EEF1E1: variants seen among roughly 807,000 people sequenced by gnomAD.
EEF1E1 encodes eukaryotic translation elongation factor 1 epsilon 1, also known as eukaryotic translation elongation factor 1 epsilon-1.
EEF1E1 carries 19 observed loss-of-function variants against 19.9 expected under a neutral mutation model. The ratio of observed to expected loss-of-function variants is 0.95; its 90% CI spans 0.66 to 1.40. EEF1E1 has a LOEUF of 1.40. Among genes scored for constraint, EEF1E1 ranks in the 40% most tolerant of loss-of-function variants. The probability of loss-of-function intolerance (pLI) is 0.00; values close to 1 mark genes in which losing one functional copy is unlikely to be tolerated. For synonymous variants in EEF1E1, 81 were observed against 80.0 expected (o/e 1.01, Z -0.07); for missense variants, 198 against 202.2 (o/e 0.98, Z 0.13).
intron 3 of EEF1E1, among the ~76,000 whole-genome samples, chr6:8,087,693 A>G (rs545682342): frequency 1.6e-4 from 25 of 152,284 alleles, no homozygotes; most frequent in Admixed American, 9.1e-4. Context: ...CGGTCATGAG[A>G]AAGACTGCTC....
chr6:8,095,353 AC>A (rs1758140684), intron 2 of EEF1E1: 1 of 426,002 alleles, frequency 2.3e-6, no homozygotes, highest in Non-Finnish European at 4.7e-6. Context: ...ACACAAAAAA[AC>A]GAGCCATGCG....
rs765141019 is a variant in EEF1E1 at position 8,102,530 on chromosome 6, C to T, written c.-9G>A. On this transcript the variant is annotated 5_prime_UTR_variant, in exon 1 of 4. Coordinates refer to ENST00000379715, the MANE Select transcript of EEF1E1 (RefSeq NM_004280.5). ...TCTGCGGCCGCCGCCATCTTCCGGCCGTAGCTCCTGGCAGACGCGAGACCT... is the reference window on the plus strand; with the variant it reads ...TCTGCGGCCGCCGCCATCTTCCGGCTGTAGCTCCTGGCAGACGCGAGACCT... The T allele has an allele frequency of 2.5e-6, 4 of 1,609,446 alleles. No individual in the cohort carries two copies. The highest frequency in any genetic ancestry group is 3.4e-6 in the Non-Finnish European group (4 of 1,179,930).
chr6:8,101,638 G>A, intron 1 of EEF1E1: 7 of 751,422 alleles, frequency 9.3e-6, no homozygotes, highest in East Asian at 8.6e-5. Context: ...AATCTCAAAG[G>A]AGCAAAAAAA....
chr6:8,078,127 T>A (rs547292856), downstream of EEF1E1, among the ~76,000 whole-genome samples: 47 of 152,346 alleles, frequency 3.1e-4, no homozygotes, highest in African/African-American at 1.1e-3. Context: ...GTTGGCTGTT[T>A]GGTGCAAGAG....
chr6:8,090,252 G>C lies in EEF1E1; in HGVS notation c.318C>G (p.Val106=). The C allele has an allele frequency of 6.7e-7, 1 of 1,489,902 alleles. No individual in the cohort carries two copies. The highest frequency in any genetic ancestry group is 8.9e-7 in the Non-Finnish European group (1 of 1,128,476). 92.3% of individuals were successfully genotyped at this position (1,489,902 alleles called of 1,614,324 possible). A position where few individuals can be genotyped will look rare whatever the true frequency, so the allele number is the denominator to read the frequency against. ...ATGTAAAGTTATACCCTGTAAGGTAGACTTTATCTTCAAGATATGAATTAA... is the reference window on the plus strand; with the variant it reads ...ATGTAAAGTTATACCCTGTAAGGTACACTTTATCTTCAAGATATGAATTAA... The part of the protein sequence containing the change: ...KDLNSYLEDK[V]YLTGYNFTLA... Residue 106 remains valine, a synonymous_variant, in exon 3 of 4, where the codon GTC becomes GTG. Transcript: ENST00000379715.
intron 2 of EEF1E1, chr6:8,095,256 T>C: frequency 3.9e-6 from 1 of 253,602 alleles, no homozygotes; most frequent in Non-Finnish European, 8.2e-6. Flanking sequence ...ATCCCAGCAC[T>C]TTGGGAGGCT....
chr6:8,101,699 T>A (rs1028484172), intron 1 of EEF1E1: 17 of 1,248,846 alleles, frequency 1.4e-5, no homozygotes, highest in Non-Finnish European at 1.7e-5. Context: ...TCTAATACAT[T>A]CCTTCTACGA....
Position 8,097,307 on chromosome 6 carries a change from T to C in EEF1E1, c.248A>G (p.Asp83Gly), listed in dbSNP as rs767445510. The part of the protein sequence containing the change: ...QWLEYRVTQV[D>G]GHSSKNDIHT... ...GATGTCATTTTTACTGGAGTGCCCA[T>C]CTACTTGAGTGACCCTGTATTCTAA... Residue 83 changes from aspartate (D) to glycine (G), a missense_variant, in exon 2 of 4, where the codon GAT becomes GGT. Asp to Gly is a moderately conservative substitution (Grantham distance 94). Transcript: ENST00000379715. The C allele has an allele frequency of 2.5e-6, 4 of 1,614,074 alleles. No homozygotes were observed. The South Asian group carries it at 3.3e-5, about 13-fold the overall frequency.
At chr6:8,099,128 T>G (rs1043160730) in intron 1 of EEF1E1, among the ~76,000 whole-genome samples, 15 of 152,236 alleles carry the variant, frequency 9.9e-5, no homozygotes, top group Non-Finnish European at 4.4e-5. Context: ...CATACTATTT[T>G]CACATTCATT....
chr6:8,095,322 G>A (rs562978171), intron 2 of EEF1E1: 15 of 377,494 alleles, frequency 4.0e-5, no homozygotes, highest in South Asian at 2.8e-4. Flanking sequence ...CCAACATGAT[G>A]AAACCCTATC....
chr6:8,078,637 C>T (rs745701238), downstream of EEF1E1: 1 of 1,212,720 alleles, frequency 8.2e-7, no homozygotes, highest in Non-Finnish European at 1.1e-6. Flanking sequence ...TGCCTGTGCC[C>T]ACACACCTGG....
intron 3 of EEF1E1, 75 bp downstream of exon 3, chr6:8,090,111 T>C: frequency 7.8e-7 from 1 of 1,288,116 alleles, no homozygotes; most frequent in Admixed American, 2.7e-5. Context: ...CAAATCTGAT[T>C]TAAATTCAAG....
intron 1 of EEF1E1, among the ~76,000 whole-genome samples, chr6:8,099,085 A>C (rs1336120867): frequency 6.6e-6 from 1 of 152,218 alleles, no homozygotes; most frequent in Non-Finnish European, 1.5e-5. Flanking sequence ...TCTTTCCTTT[A>C]CATACCCTAA....
chr6:8,084,738 T>C (rs1460180157), intron 3 of EEF1E1, among the ~76,000 whole-genome samples: 3 of 152,096 alleles, frequency 2.0e-5, no homozygotes, highest in Non-Finnish European at 4.4e-5. Flanking sequence ...AGCCAACAAG[T>C]TTGTTATTGT....
chr6:8,078,063 C>T (rs942161694), downstream of EEF1E1, among the ~76,000 whole-genome samples: 8 of 152,340 alleles, frequency 5.3e-5, no homozygotes, highest in East Asian at 1.2e-3. Flanking sequence ...AGGCATGAGC[C>T]ACCACACCCA....
downstream of EEF1E1, among the ~76,000 whole-genome samples, chr6:8,077,190 G>A (rs879574017): frequency 4.6e-5 from 7 of 152,066 alleles, no homozygotes; most frequent in South Asian, 2.1e-4. Flanking sequence ...TGATCCGCCC[G>A]CCTTGGCCTC....
At chr6:8,077,556 G>A (rs1757629582), downstream of EEF1E1, among the ~76,000 whole-genome samples, 1 of 152,194 alleles carries the variant, frequency 6.6e-6, no homozygotes, top group Non-Finnish European at 1.5e-5. Context: ...TGGAGATGGT[G>A]TCTTTCCTCA....
intron 1 of EEF1E1, among the ~76,000 whole-genome samples, chr6:8,099,950 G>A (rs1758299613): frequency 8.1e-6 from 1 of 123,598 alleles, no homozygotes; most frequent in South Asian, 2.6e-4. Flanking sequence ...AAGGATCTCT[G>A]AACTGCTTTC....
intron 2 of EEF1E1, chr6:8,095,387 C>A: frequency 2.4e-6 from 1 of 415,062 alleles, no homozygotes; most frequent in Admixed American, 2.6e-5. Flanking sequence ...CCTGTAATCC[C>A]ATTTACTCGG....
Sources: allele counts gnomAD v4.1 joint callset (sites outside exome capture counted in the v4.1 genomes callset), GRCh38; gene constraint gnomAD v4.1.1; transcripts MANE v1.5; gene names NCBI Gene and HGNC (gene_info 2026-07-23, HGNC 2026-07-21).